Variants in SLC28A1 observed in about 807,000 individuals in gnomAD.
SLC28A1 encodes solute carrier family 28 member 1, also known as sodium/nucleoside cotransporter 1.
SLC28A1 carries 64 observed loss-of-function variants against 74.8 expected under a neutral mutation model. The ratio of observed to expected loss-of-function variants is 0.86; its 90% confidence interval spans 0.70 to 1.05. The LOEUF (loss-of-function observed/expected upper bound fraction) is 1.05. Among genes scored for constraint, SLC28A1 ranks in the 50% least tolerant of loss-of-function variants. SLC28A1 has a pLI of 0.00. For synonymous variants in SLC28A1, 359 were observed against 335.0 expected (o/e 1.07, Z -0.78); for missense variants, 828 against 822.8 (o/e 1.01, Z -0.08).
chr15:84,932,187 T>C (rs1227332674), intron 12 of SLC28A1, among the ~76,000 whole-genome samples: 1 of 152,212 alleles, frequency 6.6e-6, no homozygotes, highest in Non-Finnish European at 1.5e-5. Flanking sequence ...CCCACTTCAC[T>C]GTGAGGCCTT....
At position 84,910,096 on chromosome 15, in the gene SLC28A1, T is replaced by C. The variant is rs377753292; in HGVS notation, c.795+1301T>C. Among the ~76,000 whole-genome samples, 19 of 152,270 alleles carry C rather than the reference T, an allele frequency of 1.2e-4. No individual in the cohort carries two copies. In the East Asian group the frequency reaches 3.5e-3, roughly 28 times the overall value. The stretch of plus-strand genomic sequence containing the variant: ...AGCATCTCTTGTGCCAGCAGACTCC[T>C]AGGGAATGTCCAGTCTAACATCGTC... On this transcript the variant is annotated intron_variant, in intron 9 of 18. Coordinates refer to ENST00000394573, the MANE Select transcript of SLC28A1 (RefSeq NM_004213.5).
intron 1 of SLC28A1, chr15:84,886,329 TA>T: frequency 4.1e-6 from 4 of 984,256 alleles, no homozygotes; most frequent in Non-Finnish European, 4.8e-6. Flanking sequence ...AAATGAAAGA[TA>T]AAATGCAAAA....
Position 84,907,923 on chromosome 15 carries a change from G to T in SLC28A1, c.718-795G>T, listed in dbSNP as rs145270213. On this transcript the variant is annotated intron_variant, in intron 8 of 18. Transcript: ENST00000394573. ...CCATTTTATAGATGGGAACACTGAG[G>T]CCTGAACAAGAGAAATGACTTGCTG... Among the ~76,000 whole-genome samples the T allele has an allele frequency of 2.3e-4, 35 of 152,252 alleles. 2 individuals are homozygous for T. The East Asian group carries it at 6.8e-3, about 29-fold the overall frequency.
Position 84,944,618 on chromosome 15 carries a change from G to C in SLC28A1, c.1716G>C (p.Ala572=). The C allele has an allele frequency of 1.2e-6, 2 of 1,614,030 alleles. No homozygotes were observed. The highest frequency in any genetic ancestry group is 4.5e-5 in the East Asian group (2 of 44,874). The change falls in exon 17 of 19, where the codon GCG becomes GCC. Residue 572 remains alanine (A), a synonymous_variant. Transcript: ENST00000394573. ...ACTTCTCCCAGATAGTGCTCCGGGC[G>C]CTCTTCACGGGAGCCTGTGTGTCCC... is the stretch of plus-strand genomic sequence containing the variant. The part of the protein sequence containing the change: ...KSDFSQIVLR[A]LFTGACVSLV...
At chr15:84,973,986 A>G in the SLC28A1 span, among the ~76,000 whole-genome samples, 2 of 152,164 alleles carry the variant, frequency 1.3e-5, no homozygotes, top group South Asian at 4.1e-4. Context: ...TGACAAGAGA[A>G]TGACAATTTT....
chr15:84,938,224 A>G (rs971782745), intron 15 of SLC28A1, among the ~76,000 whole-genome samples: 2 of 147,636 alleles, frequency 1.4e-5, no homozygotes, highest in Non-Finnish European at 3.0e-5. Context: ...AAAGGTTTCT[A>G]TAGAGTAAAA....
At chr15:84,917,371 G>GT (rs1969260143) in intron 9 of SLC28A1, among the ~76,000 whole-genome samples, 1 of 152,134 alleles carries the variant, frequency 6.6e-6, no homozygotes, top group African/African-American at 2.4e-5. Flanking sequence ...GGCACCTGCT[G>GT]TTGCTGGCCT....
intron 16 of SLC28A1, among the ~76,000 whole-genome samples, 193 bp downstream of exon 16, chr15:84,943,719 A>G (rs957078662): frequency 3.3e-5 from 5 of 152,154 alleles, no homozygotes; most frequent in African/African-American, 1.2e-4. Context: ...ATTTGAGGCC[A>G]GGAGTTTGAG....
chr15:84,921,403 C>A (rs2141916840), intron 11 of SLC28A1, among the ~76,000 whole-genome samples: 1 of 152,364 alleles, frequency 6.6e-6, no homozygotes, highest in African/African-American at 2.4e-5. Flanking sequence ...CAAGATTCCA[C>A]ACATATAAGC....
chr15:84,908,537 T>C (rs965384780), intron 8 of SLC28A1, among the ~76,000 whole-genome samples, 181 bp from the exon 9 acceptor site: 3 of 152,136 alleles, frequency 2.0e-5, no homozygotes, highest in Non-Finnish European at 2.9e-5. Context: ...GCAAATATGC[T>C]TAGGAGTGAG....
chr15:84,918,682 G>A, intron 10 of SLC28A1, 78 bp downstream of exon 10: 1 of 1,129,474 alleles, frequency 8.9e-7, no homozygotes, highest in Non-Finnish European at 1.3e-6. Context: ...AGAATGCCTT[G>A]CTCCCAGAGC....
At chr15:84,919,833 G>T (rs1405473898) in intron 10 of SLC28A1, among the ~76,000 whole-genome samples, 2 of 152,194 alleles carry the variant, frequency 1.3e-5, no homozygotes, top group East Asian at 3.9e-4. Context: ...AGTTTAGGTG[G>T]GGATATTCAA....
In SLC28A1 at chr15:84,933,202, C is replaced by T. The variant is rs779634763; in HGVS notation, c.1141C>T (p.Leu381Phe). 1.8e-5 allele frequency: 29 copies of T among 1,613,724 alleles called. No homozygotes were observed. The highest frequency in any genetic ancestry group is 2.4e-5 in the Non-Finnish European group (28 of 1,179,904). Residue 381 changes from leucine to phenylalanine, a missense_variant, in exon 13 of 19, where the codon CTC becomes TTC. Transcript: ENST00000394573. ...SVMAAPCALA[L>F]SKLVYPEVEE... ...GATGGCTGCCCCTTGTGCCTTGGCC[C>T]TCTCCAAGCTGGTCTACCCGGAGGT...
chr15:84,960,838 GCTTTATAAAT>G, the SLC28A1 span, among the ~76,000 whole-genome samples: 364 of 152,216 alleles, frequency 2.4e-3, 2 homozygotes, highest in Non-Finnish European at 3.2e-3. Context: ...AGTCCTTATT[GCTTTATAAAT>G]CTTTTCTTTC....
At chr15:84,914,619 CA>C (rs1968819547) in intron 9 of SLC28A1, among the ~76,000 whole-genome samples, 2 of 152,186 alleles carry the variant, frequency 1.3e-5, no homozygotes, top group Admixed American at 1.3e-4. Flanking sequence ...TATGAGGATT[CA>C]TGAGTCCCCA....
At chr15:84,970,134 T>C in the SLC28A1 span, among the ~76,000 whole-genome samples, 3 of 152,220 alleles carry the variant, frequency 2.0e-5, no homozygotes, top group Admixed American at 2.0e-4. Context: ...TTTCCATCTT[T>C]CCATTCTGCC....
chr15:84,893,835 C>T (rs537184682), intron 5 of SLC28A1, among the ~76,000 whole-genome samples: 2 of 152,218 alleles, frequency 1.3e-5, no homozygotes, highest in Non-Finnish European at 2.9e-5. Flanking sequence ...GTCCTGGGAC[C>T]TCCCTGGGAC....
chr15:84,922,292 AG>A (rs1969919713), intron 11 of SLC28A1, among the ~76,000 whole-genome samples: 1 of 152,160 alleles, frequency 6.6e-6, no homozygotes, highest in African/African-American at 2.4e-5. Flanking sequence ...TGGAGATCTA[AG>A]GGGTGTCGCA....
chr15:84,944,895 G>A, intron 18 of SLC28A1, 28 bp downstream of exon 18: 1 of 1,490,420 alleles, frequency 6.7e-7, no homozygotes, highest in Non-Finnish European at 9.4e-7. Context: ...GGGACCTGCA[G>A]GGCACCCACA....
Sources: gnomAD v4.1 joint callset for allele counts (sites outside exome capture counted in the v4.1 genomes callset) on GRCh38, gnomAD v4.1.1 for gene constraint, MANE v1.5 for transcripts, NCBI Gene and HGNC (gene_info 2026-07-23, HGNC 2026-07-21) for gene names.